The following CDIN1 variants were observed in gnomAD, a reference collection of about 807,000 sequenced individuals.
CDIN1 encodes CDAN1-interacting nuclease 1.
A neutral mutation model predicts 45.3 loss-of-function variants in CDIN1; 33 were observed. That is an observed-to-expected ratio of 0.73 (90% CI 0.55 to 0.97). The LOEUF (loss-of-function observed/expected upper bound fraction) is 0.97, where lower values mean the gene tolerates loss of function less well. Among genes scored for constraint, CDIN1 ranks in the 50% least tolerant of loss-of-function variants. The pLI is 0.00. For synonymous variants in CDIN1, 118 were observed against 124.4 expected (o/e 0.95, Z 0.34); for missense variants, 303 against 339.4 (o/e 0.89, Z 0.84).
chr15:36,750,149 A>C (rs1017283507), intron 10 of CDIN1, among the ~76,000 whole-genome samples: 10 of 151,262 alleles, frequency 6.6e-5, no homozygotes, highest in African/African-American at 2.4e-4. Context: ...AAACCAAAAA[A>C]CCTATGTGGG....
chr15:36,675,115 G>A (rs982826862), intron 5 of CDIN1, among the ~76,000 whole-genome samples: 1 of 152,026 alleles, frequency 6.6e-6, no homozygotes, highest in Non-Finnish European at 1.5e-5. Flanking sequence ...AAACATGAAT[G>A]TTCTTATTAT....
chr15:36,721,909 A>G (rs889823959), intron 10 of CDIN1, among the ~76,000 whole-genome samples: 16 of 151,738 alleles, frequency 1.1e-4, no homozygotes, highest in African/African-American at 3.9e-4. Flanking sequence ...AGACTGCTGG[A>G]CTTCACCTGG....
At chr15:36,713,587 C>A (rs2043129210) in intron 10 of CDIN1, among the ~76,000 whole-genome samples, 2 of 152,078 alleles carry the variant, frequency 1.3e-5, no homozygotes, top group South Asian at 4.2e-4. Context: ...TGAGTAAAAC[C>A]TTTTTTGCCC....
intron 10 of CDIN1, among the ~76,000 whole-genome samples, chr15:36,797,099 C>T (rs941150030): frequency 6.6e-6 from 1 of 152,170 alleles, no homozygotes; most frequent in African/African-American, 2.4e-5. Flanking sequence ...CTGTGAAGAA[C>T]ACAGATGCCT....
chr15:36,735,447 T>C (rs901584764), intron 10 of CDIN1, among the ~76,000 whole-genome samples: 6 of 152,116 alleles, frequency 3.9e-5, no homozygotes, highest in African/African-American at 1.4e-4. Flanking sequence ...ATATCAGTTA[T>C]TTTAAATATG....
chr15:36,707,885 T>C (rs2042926089), intron 8 of CDIN1: 1 of 152,168 alleles, frequency 6.6e-6, no homozygotes, highest in Non-Finnish European at 1.5e-5. Context: ...GTCATATTAT[T>C]TCAATCTGTA....
intron 1 of CDIN1, chr15:36,594,826 T>TC: frequency 5.3e-6 from 5 of 944,674 alleles, no homozygotes; most frequent in Non-Finnish European, 6.3e-6. Context: ...AAATTTTTTT[T>TC]TTTTAGCATT....
intron 5 of CDIN1, among the ~76,000 whole-genome samples, chr15:36,670,568 T>A (rs1055392322): frequency 2.6e-5 from 4 of 152,122 alleles, no homozygotes; most frequent in Non-Finnish European, 5.9e-5. Flanking sequence ...GAATTCCTTT[T>A]AAAACCAGAC....
chr15:36,675,660 G>A (rs1299379817), intron 5 of CDIN1, among the ~76,000 whole-genome samples: 1 of 152,140 alleles, frequency 6.6e-6, no homozygotes, highest in African/African-American at 2.4e-5. Flanking sequence ...AATTCATAGT[G>A]AAGTTAACAT....
intron 1 of CDIN1, chr15:36,618,685 A>C: frequency 1.2e-6 from 1 of 807,188 alleles, no homozygotes; most frequent in Non-Finnish European, 2.2e-6. Flanking sequence ...GACAGAATGC[A>C]CTTCTGCCCA....
chr15:36,611,723 T>C (rs2038658519), intron 1 of CDIN1, among the ~76,000 whole-genome samples: 2 of 152,336 alleles, frequency 1.3e-5, no homozygotes, highest in South Asian at 2.1e-4. Flanking sequence ...ACGGAATCGA[T>C]CATGTCTTGA....
intron 5 of CDIN1, among the ~76,000 whole-genome samples, chr15:36,688,423 G>A (rs1216230820): frequency 6.6e-6 from 1 of 152,160 alleles, no homozygotes; most frequent in Admixed American, 6.5e-5. Context: ...TTGTGCCTTA[G>A]TCCAGGCATT....
At position 36,619,193 on chromosome 15, in the gene CDIN1, G is replaced by T. The variant is rs879034109; in HGVS notation, c.102-25085G>T. On this transcript the variant is annotated intron_variant, in intron 1 of 10. Transcript: ENST00000566621. The stretch of plus-strand genomic sequence containing the variant: ...ATCAGGGAACAGAGATGCCAGTTTA[G>T]TCGTAGGGCTATACCTCAGGGAGTG... 1.3e-5 allele frequency: 17 copies of T among 1,292,500 alleles called. No homozygotes were observed. In the South Asian group the frequency reaches 2.3e-4, roughly 17 times the overall value. 80.1% of individuals were successfully genotyped at this position (1,292,500 alleles called of 1,614,324 possible).
intron 5 of CDIN1, among the ~76,000 whole-genome samples, chr15:36,676,969 T>G (rs1158255911): frequency 6.6e-6 from 1 of 152,196 alleles, no homozygotes; most frequent in African/African-American, 2.4e-5. Flanking sequence ...TCACTTCACA[T>G]ACCTATACCA....
At chr15:36,806,953 C>T (rs971934726) in intron 10 of CDIN1, among the ~76,000 whole-genome samples, 1 of 152,176 alleles carries the variant, frequency 6.6e-6, no homozygotes, top group Non-Finnish European at 1.5e-5. Context: ...AAGAGAACAT[C>T]TGCAGCTGAT....
At chr15:36,646,847 A>G (rs1203216154) in intron 3 of CDIN1, among the ~76,000 whole-genome samples, 2 of 152,036 alleles carry the variant, frequency 1.3e-5, no homozygotes, top group Non-Finnish European at 2.9e-5. Context: ...CTGCCTTCTG[A>G]TACTCATTTG....
chr15:36,745,191 AT>A (rs567851565), intron 10 of CDIN1, among the ~76,000 whole-genome samples: 2 of 152,262 alleles, frequency 1.3e-5, no homozygotes, highest in East Asian at 3.9e-4. Flanking sequence ...GCTGTGATTC[AT>A]TTTTACCATT....
chr15:36,645,314 G>T, intron 3 of CDIN1, 27 bp downstream of exon 3: 3 of 1,483,262 alleles, frequency 2.0e-6, no homozygotes, highest in Non-Finnish European at 2.8e-6. Flanking sequence ...CCACTAGAGG[G>T]TATCATAGTA....
intron 10 of CDIN1, among the ~76,000 whole-genome samples, chr15:36,808,061 T>C (rs1261036643): frequency 6.6e-6 from 1 of 152,186 alleles, no homozygotes; most frequent in Admixed American, 6.5e-5. Context: ...AACACCTTAC[T>C]GAAAGGTAAG....
Sources: gnomAD v4.1 joint callset for allele counts (sites outside exome capture counted in the v4.1 genomes callset) on GRCh38, gnomAD v4.1.1 for gene constraint, MANE v1.5 for transcripts, NCBI Gene and HGNC (gene_info 2026-07-23, HGNC 2026-07-21) for gene names.